The following EYA1 variants were observed in gnomAD, a reference collection of about 807,000 sequenced individuals.
EYA1 encodes the protein EYA transcriptional coactivator and phosphatase 1, also known as protein phosphatase EYA1.
In EYA1, 16 loss-of-function variants were observed where a neutral mutation model predicts 82.0. The observed-to-expected ratio is 0.20, with a 90% CI of 0.13 to 0.30. The LOEUF (loss-of-function observed/expected upper bound fraction) is 0.30, where lower values mean the gene tolerates loss of function less well. Among genes scored for constraint, EYA1 ranks in the 10% least tolerant of loss-of-function variants. The pLI is 1.00. For missense variants in EYA1, 633 were observed against 730.7 expected (o/e 0.87, Z 1.54); for synonymous variants, 261 against 264.4 (o/e 0.99, Z 0.12).
intron 9 of EYA1, among the ~76,000 whole-genome samples, chr8:71,274,246 C>T (rs974576801): frequency 6.6e-6 from 1 of 152,160 alleles, no homozygotes; most frequent in African/African-American, 2.4e-5. Flanking sequence ...CAGGCCTCCA[C>T]TTCTGGAGGA....
intron 9 of EYA1, among the ~76,000 whole-genome samples, chr8:71,285,647 T>C (rs991316663): frequency 1.1e-4 from 16 of 152,344 alleles, no homozygotes; most frequent in African/African-American, 3.8e-4. Context: ...ACTACAGTTA[T>C]ATGAAAACAT....
intron 2 of EYA1, among the ~76,000 whole-genome samples, chr8:71,436,511 A>C (rs1806024470): frequency 6.6e-6 from 1 of 152,168 alleles, no homozygotes; most frequent in South Asian, 2.1e-4. Flanking sequence ...AAATGAATAA[A>C]AATTGATTGT....
intron 9 of EYA1, among the ~76,000 whole-genome samples, chr8:71,286,564 GA>G (rs1176716811): frequency 1.3e-5 from 2 of 152,122 alleles, no homozygotes; most frequent in African/African-American, 2.4e-5. Flanking sequence ...TGAGTGGGGG[GA>G]AACTCATAGG....
At chr8:71,363,174 G>T (rs567535057), upstream of EYA1, among the ~76,000 whole-genome samples, 178 of 151,846 alleles carry the variant, frequency 1.2e-3, no homozygotes, top group African/African-American at 4.2e-3. Context: ...TTTTTTAGGC[G>T]CTTGATAGAT....
intron 2 of EYA1, among the ~76,000 whole-genome samples, chr8:71,368,105 A>G (rs765321902): frequency 3.9e-5 from 6 of 152,170 alleles, no homozygotes; most frequent in Non-Finnish European, 7.4e-5. Context: ...AATAGTATCA[A>G]TGATCTGGTT....
rs576670089 is a variant in EYA1, at chr8:71,535,800, A to G, written c.-24T>C. 4.8e-5 allele frequency: 71 copies of G among 1,493,336 alleles called. 1 individual carries two copies. In the South Asian group the frequency reaches 8.3e-4, roughly 17 times the overall value. 92.5% of individuals were successfully genotyped at this position (1,493,336 alleles called of 1,614,324 possible). A position where few individuals can be genotyped will look rare whatever the true frequency, so the allele number is the denominator to read the frequency against. On this transcript the variant is annotated 5_prime_UTR_variant, in exon 2 of 19. Coordinates refer to the EYA1 transcript ENST00000643681. ...ATTGAAGACTTCTTCTGAATTATGT[A>G]TGGGCTATTAGCTACACACTTCTTC...
intron 2 of EYA1, among the ~76,000 whole-genome samples, chr8:71,375,565 G>A (rs530796465): frequency 3.2e-4 from 49 of 152,262 alleles, no homozygotes; most frequent in Non-Finnish European, 3.7e-4. Flanking sequence ...TGAAAAGTGA[G>A]GAGCGTTTTT....
intron 2 of EYA1, among the ~76,000 whole-genome samples, chr8:71,377,410 A>G (rs1395560390): frequency 2.0e-5 from 3 of 152,196 alleles, no homozygotes; most frequent in Admixed American, 6.5e-5. Context: ...CCACAGAATC[A>G]TGAACAAATA....
intron 7 of EYA1, among the ~76,000 whole-genome samples, chr8:71,305,496 C>T (rs551802458): frequency 1.9e-5 from 2 of 103,370 alleles, no homozygotes; most frequent in South Asian, 3.1e-4. Flanking sequence ...TCTGTCTCTA[C>T]TAAAAATACA....
chr8:71,299,757 C>T, intron 7 of EYA1, 37 bp from the exon 8 acceptor site: 1 of 1,099,868 alleles, frequency 9.1e-7, no homozygotes, highest in Admixed American at 1.7e-5. Flanking sequence ...TTATACCAGG[C>T]TTGTGGAATA....
intron 4 of EYA1, among the ~76,000 whole-genome samples, chr8:71,332,292 C>A (rs953858974): frequency 6.6e-6 from 1 of 152,148 alleles, no homozygotes; most frequent in African/African-American, 2.4e-5. Flanking sequence ...ATTTCCCATG[C>A]CAAATCTCCT....
intron 9 of EYA1, among the ~76,000 whole-genome samples, chr8:71,281,685 A>C (rs1817830882): frequency 6.6e-6 from 1 of 152,230 alleles, no homozygotes; most frequent in African/African-American, 2.4e-5. Context: ...CTGGAGGTGC[A>C]GCCTGTGCAC....
At chr8:71,238,145 T>TA (rs1812066008) in intron 12 of EYA1, among the ~76,000 whole-genome samples, 1 of 152,186 alleles carries the variant, frequency 6.6e-6, no homozygotes, top group Admixed American at 6.5e-5. Context: ...TTTAACTGTT[T>TA]ACCTATTTTA....
intron 2 of EYA1, among the ~76,000 whole-genome samples, chr8:71,510,028 C>T (rs1812478343): frequency 1.3e-5 from 2 of 150,674 alleles, no homozygotes; most frequent in Non-Finnish European, 3.0e-5. Context: ...TACCCTCACA[C>T]TATATATTAT....
intron 9 of EYA1, among the ~76,000 whole-genome samples, chr8:71,285,236 G>T (rs1052350644): frequency 6.6e-6 from 1 of 152,220 alleles, no homozygotes; most frequent in African/African-American, 2.4e-5. Flanking sequence ...AGAGAAGTGT[G>T]CTTTCTTAGT....
intron 2 of EYA1, among the ~76,000 whole-genome samples, chr8:71,498,381 C>G (rs1036001004): frequency 6.6e-6 from 1 of 152,144 alleles, no homozygotes; most frequent in Non-Finnish European, 1.5e-5. Context: ...TCACATTAGT[C>G]TCTTGCCATG....
At chr8:71,206,880 T>C (rs1228274927) in intron 17 of EYA1, among the ~76,000 whole-genome samples, 1 of 152,024 alleles carries the variant, frequency 6.6e-6, no homozygotes, top group African/African-American at 2.4e-5. Flanking sequence ...TTCAGCCTCC[T>C]GAGTAGCTGG....
intron 3 of EYA1, among the ~76,000 whole-genome samples, chr8:71,353,821 A>G (rs1004934962): frequency 6.6e-6 from 1 of 152,196 alleles, no homozygotes; most frequent in South Asian, 2.1e-4. Flanking sequence ...AGAGTTTTGT[A>G]TATGGATGGA....
Position 71,421,107 on chromosome 8 carries a change from G to A in EYA1, c.34-64596C>T, listed in dbSNP as rs377416903. ...TACAATCCTCTGAAACCTGAGTCATGGGGCTCTCTGAGCCTAGGAAAAACC... is the reference window on the plus strand; with the variant it reads ...TACAATCCTCTGAAACCTGAGTCATAGGGCTCTCTGAGCCTAGGAAAAACC... On this transcript the variant is annotated intron_variant, in intron 2 of 18. Transcript: ENST00000643681. Among the ~76,000 whole-genome samples the A allele has an allele frequency of 3.3e-5, 5 of 152,276 alleles. No homozygotes were observed. The South Asian group carries it at 6.2e-4, about 19-fold the overall frequency.
Sources: gnomAD v4.1 joint callset for allele counts (sites outside exome capture counted in the v4.1 genomes callset) on GRCh38, gnomAD v4.1.1 for gene constraint, MANE v1.5 for transcripts, NCBI Gene and HGNC (gene_info 2026-07-23, HGNC 2026-07-21) for gene names.